CAPN6: variants seen among roughly 807,000 people sequenced by gnomAD.
The protein encoded by CAPN6 is calpain-6.
A neutral mutation model predicts 46.0 loss-of-function variants in CAPN6; 16 were observed. The observed-to-expected ratio is 0.35, with a 90% CI of 0.24 to 0.53. The LOEUF is 0.53. Among genes scored for constraint, CAPN6 ranks in the 20% least tolerant of loss-of-function variants. The pLI is 0.94. For missense variants in CAPN6, 461 were observed against 498.0 expected, an observed-to-expected ratio of 0.93 and a Z score of 0.71; for synonymous variants, 206 against 172.8, an observed-to-expected ratio of 1.19 and a Z score of -1.51.
In CAPN6 at chrX:111,251,717, A is replaced by G. The variant is rs1278979927; in HGVS notation, c.725T>C (p.Val242Ala). ...CTTCAGCAGACCCCAATCAGTTTCA[A>G]CTTCTTGCTCCTCCTGATTGGGAGA... ...IESPNQEEQE[V>A]ETDWGLLKGH... is the part of the protein sequence containing the mutation. Residue 242 changes from valine to alanine, a missense_variant, in exon 6 of 13, where the codon GTT (valine) becomes GCT (alanine). By Grantham distance (64) the Val-to-Ala change is moderately conservative. Coordinates refer to ENST00000324068, the MANE Select transcript of CAPN6 (RefSeq NM_014289.4). 2 of 1,207,908 alleles carry G rather than the reference A, an allele frequency of 1.7e-6. No homozygotes were observed.
chrX:111,249,830 A>AGAAGGAAG (rs3062792), intron 8 of CAPN6, among the ~76,000 whole-genome samples: 193 of 93,303 alleles, frequency 2.1e-3, no homozygotes, highest in African/African-American at 7.6e-3. Context: ...AATGAAGGAA[A>AGAAGGAAG]GAAGGAAGGA....
chrX:111,250,832 A>G, intron 8 of CAPN6, 85 bp downstream of exon 8: 1 of 880,135 alleles, frequency 1.1e-6, no homozygotes, highest in Non-Finnish European at 1.6e-6. Context: ...TTGATGCTAA[A>G]GAAATACTCC....
At chrX:111,248,014 A>G (rs1204514514) in intron 10 of CAPN6, 22 bp from the exon 11 acceptor site, 1 of 1,192,169 alleles carries the variant, frequency 8.4e-7, no homozygotes, top group Admixed American at 2.2e-5. Context: ...AAAATAAAAT[A>G]TTGTCATCAT....
rs779398783 is a variant in CAPN6, at chrX:111,251,054, G to A, written c.1021C>T (p.Arg341Cys). The A allele has an allele frequency of 8.8e-5, 106 of 1,209,022 alleles. 1 individual carries two copies. The highest frequency in any genetic ancestry group is 8.5e-5 in the Non-Finnish European group (76 of 895,054). The change falls in exon 8 of 13, where the codon CGC becomes TGC. Residue 341 changes from arginine (R) to cysteine (C), a missense_variant. By Grantham distance (180) the Arg-to-Cys change is radical (BLOSUM62 -3). Transcript: ENST00000324068. ...CCAAAAATAGGGTTGTTCACATTGC[G>A]GCAGACATTCAGTTTGTGAAAGTTG... ...CRNFHKLNVC[R>C]NVNNPIFGRK...
intron 2 of CAPN6, among the ~76,000 whole-genome samples, chrX:111,255,027 G>A (rs910360374): frequency 1.8e-5 from 2 of 111,396 alleles, no homozygotes; most frequent in Non-Finnish European, 1.9e-5. Context: ...ACCACTCACA[G>A]GAACACTTCA....
chrX:111,264,708 A>AG (rs1334156982), intron 1 of CAPN6, among the ~76,000 whole-genome samples: 1 of 72,484 alleles, frequency 1.4e-5, no homozygotes, highest in African/African-American at 1.5e-4. Context: ...TCTTTTCTTT[A>AG]AAAAAAAAAA....
chrX:111,248,201 T>C (rs1475169390), intron 10 of CAPN6, among the ~76,000 whole-genome samples: 3 of 112,034 alleles, frequency 2.7e-5, no homozygotes, highest in Non-Finnish European at 1.9e-5. Context: ...TAGGCAGGGC[T>C]GGGACAAAAA....
rs367596808 is a variant in CAPN6, at chrX:111,245,232, G to A, written c.*1345C>T. 8.9e-6 allele frequency: 1 copy of A among 112,156 alleles called. No individual in the cohort carries two copies. The highest frequency in any genetic ancestry group is 2.8e-4 in the East Asian group (1 of 3,553). 9.2% of individuals were successfully genotyped at this position (112,156 alleles called of 1,213,427 possible). A position where few individuals can be genotyped will look rare whatever the true frequency, so the allele number is the denominator to read the frequency against. ...CTAAAAATGAATGCTTGCTGGTCTA[G>A]GTAGGCTAAGTACTACAACTATGTT... On this transcript the variant is annotated 3_prime_UTR_variant, in exon 13 of 13. Coordinates refer to ENST00000324068, the MANE Select transcript of CAPN6 (RefSeq NM_014289.4).
intron 2 of CAPN6, among the ~76,000 whole-genome samples, chrX:111,257,945 T>C (rs776363109): frequency 8.1e-5 from 9 of 111,517 alleles, no homozygotes; most frequent in Non-Finnish European, 1.3e-4. Context: ...GTACCAAGAG[T>C]AAAGCTGAAA....
rs369225008 is a variant in CAPN6, at chrX:111,247,529, T to C, written c.1607-25A>G. On this transcript the variant is annotated intron_variant, in intron 11 of 12. Coordinates refer to ENST00000324068, the MANE Select transcript of CAPN6 (RefSeq NM_014289.4). Reference sequence around the variant, plus strand: ...GCTGGAACAAAGTGACATATGTTTTTAACACAGCAATTAAAGTTCCTTTTC... The same window carrying C: ...GCTGGAACAAAGTGACATATGTTTTCAACACAGCAATTAAAGTTCCTTTTC... The C allele has an allele frequency of 5.1e-6, 6 of 1,180,861 alleles. No individual in the cohort carries two copies. The African/African-American group carries it at 8.9e-5, about 18-fold the overall frequency.
rs2094976016 is a variant in CAPN6, at chrX:111,248,062, C to T, written c.1485-70G>A. On this transcript the variant is annotated intron_variant, in intron 10 of 12. Coordinates refer to ENST00000324068, the MANE Select transcript of CAPN6 (RefSeq NM_014289.4). ...CTTTGATGAAATAAGCCCGCCAAAGCAGACATCATTGCTGAAAAGCATGAG... is the reference window on the plus strand; with the variant it reads ...CTTTGATGAAATAAGCCCGCCAAAGTAGACATCATTGCTGAAAAGCATGAG... 3 of 1,026,738 alleles carry T rather than the reference C, an allele frequency of 2.9e-6. No individual in the cohort carries two copies. The African/African-American group carries it at 5.5e-5, about 19-fold the overall frequency. The allele number at this position is 1,026,738 out of a possible 1,213,427, so 84.6% of individuals were successfully genotyped here. A position where few individuals can be genotyped will look rare whatever the true frequency, so the allele number is the denominator to read the frequency against.
At chrX:111,260,040 T>C (rs1238236385) in intron 2 of CAPN6, among the ~76,000 whole-genome samples, 1 of 112,506 alleles carries the variant, frequency 8.9e-6, no homozygotes. Context: ...GAGCACATGG[T>C]CTCAGGTAAT....
At position 111,263,948 on chromosome X, in the gene CAPN6, A is replaced by C; in HGVS notation, c.-12T>G. The C allele has an allele frequency of 8.8e-7, 1 of 1,131,451 alleles. No homozygotes were observed. Among genetic ancestry groups the C allele is most frequent in the Non-Finnish European group, 1.2e-6 (1 of 855,250 alleles). 93.2% of individuals were successfully genotyped at this position (1,131,451 alleles called of 1,213,427 possible). A position where few individuals can be genotyped will look rare whatever the true frequency, so the allele number is the denominator to read the frequency against. The stretch of plus-strand genomic sequence containing the variant: ...AGAGGAGGACCCATAGTGTTGAACT[A>C]TGCCTAGAATGAGGAAAATTTTTGT... On this transcript the variant is annotated 5_prime_UTR_variant, in exon 2 of 13. Coordinates refer to ENST00000324068, the MANE Select transcript of CAPN6 (RefSeq NM_014289.4).
At position 111,263,799 on chromosome X, in the gene CAPN6, A is replaced by G; in HGVS notation, c.138T>C (p.Pro46=). Residue 46 remains proline (P), a synonymous_variant, in exon 2 of 13, where the codon CCT becomes CCC. Transcript: ENST00000324068. ...NDSLFYNRLL[P]GKVVWKRPQD... Reference sequence around the variant, plus strand: ...GGGGACGTTTCCACACCACCTTTCCAGGAAGCAGTCGGTTGTAGAAAAGAG... The same window carrying G: ...GGGGACGTTTCCACACCACCTTTCCGGGAAGCAGTCGGTTGTAGAAAAGAG... 1 of 1,209,443 alleles carries G rather than the reference A, an allele frequency of 8.3e-7. No individual in the cohort carries two copies. Among genetic ancestry groups the G allele is most frequent in the South Asian group, 1.8e-5 (1 of 56,297 alleles).
intron 2 of CAPN6, among the ~76,000 whole-genome samples, chrX:111,258,373 G>A (rs940374464): frequency 8.9e-6 from 1 of 111,873 alleles, no homozygotes; most frequent in Non-Finnish European, 1.9e-5. Flanking sequence ...GTGAGGTCAG[G>A]CCTGCAGTAG....
At chrX:111,257,800 C>T (rs1376064284) in intron 2 of CAPN6, among the ~76,000 whole-genome samples, 1 of 111,477 alleles carries the variant, frequency 9.0e-6, no homozygotes, top group East Asian at 2.8e-4. Context: ...CACATATTCA[C>T]AACATTTGGG....
chrX:111,256,239 A>G (rs2094983648), intron 2 of CAPN6, among the ~76,000 whole-genome samples: 1 of 110,700 alleles, frequency 9.0e-6, no homozygotes, highest in African/African-American at 3.3e-5. Flanking sequence ...TCTCTTCTAA[A>G]TATACAAAAA....
Position 111,246,531 on chromosome X carries a change from A to G in CAPN6, c.*46T>C. ...AACTAAGACCTGGCACCTGACGGAA[A>G]ATAAAAGGGTGGCACGCTTTGTCAG... On this transcript the variant is annotated 3_prime_UTR_variant, in exon 13 of 13. Coordinates refer to ENST00000324068, the MANE Select transcript of CAPN6 (RefSeq NM_014289.4). The G allele has an allele frequency of 9.1e-7, 1 of 1,094,145 alleles. No individual in the cohort carries two copies. Among genetic ancestry groups the G allele is most frequent in the South Asian group, 2.0e-5 (1 of 49,754 alleles). 90.2% of individuals were successfully genotyped at this position (1,094,145 alleles called of 1,213,427 possible).
chrX:111,264,091 T>C (rs771493169), intron 1 of CAPN6, 140 bp from the exon 2 acceptor site: 22 of 383,166 alleles, frequency 5.7e-5, no homozygotes, highest in Non-Finnish European at 9.7e-5. Flanking sequence ...AAAGGAAATG[T>C]CACCATTTTC....
Sources: allele counts gnomAD v4.1 joint callset (sites outside exome capture counted in the v4.1 genomes callset), GRCh38; gene constraint gnomAD v4.1.1; transcripts MANE v1.5; gene names NCBI Gene and HGNC (gene_info 2026-07-23, HGNC 2026-07-21).